Variants in SCAI observed in about 807,000 individuals in gnomAD.
The protein encoded by SCAI is suppressor of cancer cell invasion, also known as protein SCAI.
A neutral mutation model predicts 92.2 loss-of-function variants in SCAI; 24 were observed. The observed-to-expected ratio is 0.26, with a 90% CI of 0.19 to 0.37. The LOEUF is 0.37. Ranked by LOEUF, SCAI falls within the 10% of genes least tolerant of loss-of-function variation. The pLI is 1.00. For missense variants in SCAI, 450 were observed against 736.2 expected (o/e 0.61, Z 4.50); for synonymous variants, 261 against 258.6 (o/e 1.01, Z -0.09).
chr9:125,117,640 T>A (rs1352644683), intron 2 of SCAI, among the ~76,000 whole-genome samples: 1 of 114,968 alleles, frequency 8.7e-6, no homozygotes, highest in East Asian at 3.0e-4. Flanking sequence ...CACTCCAGTC[T>A]GGGCGACAGA....
rs1428768834 is a variant in SCAI, at chr9:124,943,849, T to A, written c.*8958A>T. ...GCTCAGAGGAAATAATAAAGTGTCC[T>A]GAAATTACAATAATTCTTAGCACAA... On this transcript the variant is annotated 3_prime_UTR_variant, in exon 18 of 18. Transcript: ENST00000336505. The A allele has an allele frequency of 6.6e-6, 1 of 152,194 alleles. No homozygotes were observed. Among genetic ancestry groups the A allele is most frequent in the Non-Finnish European group, 1.5e-5 (1 of 68,012 alleles). The allele number at this position is 152,194 out of a possible 1,614,324, so 9.4% of individuals were successfully genotyped here. A position where few individuals can be genotyped will look rare whatever the true frequency, so the allele number is the denominator to read the frequency against.
chr9:124,991,095 A>G (rs1975467), intron 14 of SCAI, among the ~76,000 whole-genome samples: 100,483 of 152,038 alleles, frequency 0.66, 33,859 homozygotes, highest in African/African-American at 0.77. Flanking sequence ...GCTCATGCCT[A>G]CAATCCCAGA....
chr9:125,092,421 C>T, intron 2 of SCAI, among the ~76,000 whole-genome samples: 1 of 152,186 alleles, frequency 6.6e-6, no homozygotes, highest in East Asian at 1.9e-4. Flanking sequence ...CCACTACACT[C>T]TAGCCTGGGC....
intron 14 of SCAI, among the ~76,000 whole-genome samples, chr9:124,977,473 A>C (rs1387254163): frequency 6.6e-6 from 1 of 152,130 alleles, no homozygotes; most frequent in Non-Finnish European, 1.5e-5. Flanking sequence ...CAGGAGTTTG[A>C]GACCAGCCTG....
intron 2 of SCAI, among the ~76,000 whole-genome samples, chr9:125,105,068 T>C (rs1334676385): frequency 1.3e-5 from 2 of 152,036 alleles, no homozygotes; most frequent in Non-Finnish European, 2.9e-5. Context: ...AACTGATACA[T>C]CAACTTTCAT....
intron 2 of SCAI, among the ~76,000 whole-genome samples, chr9:125,088,915 C>T (rs780579611): frequency 9.2e-5 from 14 of 152,100 alleles, no homozygotes; most frequent in Non-Finnish European, 1.9e-4. Context: ...GAGTGTTTAG[C>T]GGCATCCCTC....
In SCAI at chr9:125,055,991, T is replaced by G; in HGVS notation, c.115A>C (p.Lys39Gln). 4 of 1,608,740 alleles carry G rather than the reference T, an allele frequency of 2.5e-6. No homozygotes were observed. Among genetic ancestry groups the G allele is most frequent in the Non-Finnish European group, 3.4e-6 (4 of 1,177,068 alleles). The change falls in exon 3 of 18, where the codon AAA (lysine) becomes CAA (glutamine). Residue 39 changes from lysine to glutamine, a missense_variant. Physicochemically the swap from Lys to Gln is moderately conservative, Grantham distance 53. This residue lies in a region of SCAI where 70 missense variants were observed against 66.3 expected (regional missense o/e 1.06). Coordinates refer to ENST00000336505, the MANE Select transcript of SCAI (RefSeq NM_001144877.3). ...GCACCTCCAGAGGACATGATTTCTT[T>G]AAGAGCAAATTCAGTCCTGTAAGAA... is the stretch of plus-strand genomic sequence containing the variant. Reference protein sequence around the residue: ...KRRSRTEFALKEIMSSGGAED... With the variant: ...KRRSRTEFALQEIMSSGGAED...
intron 17 of SCAI, among the ~76,000 whole-genome samples, chr9:124,967,866 T>C (rs912469733): frequency 5.9e-5 from 9 of 152,238 alleles, no homozygotes; most frequent in Non-Finnish European, 1.0e-4. Context: ...GCCTACCCGT[T>C]AATGTGTCTC....
chr9:125,122,578 G>A (rs1835176280), intron 2 of SCAI, among the ~76,000 whole-genome samples: 1 of 106,732 alleles, frequency 9.4e-6, no homozygotes, highest in African/African-American at 3.8e-5. Context: ...AACAGAGTGA[G>A]ACTCCATCTC....
chr9:125,134,084 G>T (rs1835463042), intron 2 of SCAI, among the ~76,000 whole-genome samples: 1 of 152,032 alleles, frequency 6.6e-6, no homozygotes, highest in Non-Finnish European at 1.5e-5. Flanking sequence ...CACTATCTTG[G>T]TTCAGGTCCT....
chr9:125,129,671 C>A (rs1406683600), intron 2 of SCAI, among the ~76,000 whole-genome samples: 1 of 151,428 alleles, frequency 6.6e-6, no homozygotes, highest in African/African-American at 2.4e-5. Context: ...ACCATGTTGG[C>A]CAGGCTGGTC....
chr9:125,098,247 G>A (rs1834606417), intron 2 of SCAI, among the ~76,000 whole-genome samples: 1 of 151,834 alleles, frequency 6.6e-6, no homozygotes, highest in South Asian at 2.1e-4. Flanking sequence ...TGGAGAGACT[G>A]GGTCTTGCTA....
chr9:124,970,592 C>A (rs908654842), intron 17 of SCAI, among the ~76,000 whole-genome samples: 2 of 151,528 alleles, frequency 1.3e-5, no homozygotes, highest in Non-Finnish European at 2.9e-5. Flanking sequence ...TGGTGGTGGG[C>A]GCCTATAATC....
intron 2 of SCAI, among the ~76,000 whole-genome samples, chr9:125,063,018 C>CA (rs71374223): frequency 0.31 from 26,672 of 85,718 alleles, 4,142 homozygotes; most frequent in Non-Finnish European, 0.39. Flanking sequence ...GACTCCGTCT[C>CA]AAAAAAAAAA....
Position 124,976,183 on chromosome 9 carries a change from A to C in SCAI, c.1330T>G (p.Phe444Val). ...AGTGGCTGTCCAAACAAGTTTGTGAAATTCTGTAATATATAAGAATTTAAA... is the reference window on the plus strand; with the variant it reads ...AGTGGCTGTCCAAACAAGTTTGTGACATTCTGTAATATATAAGAATTTAAA... Reference protein sequence around the residue: ...DSSNSVAYKNFTNLFGQPLVC... With the variant: ...DSSNSVAYKNVTNLFGQPLVC... Residue 444 changes from phenylalanine (F) to valine (V), a missense_variant, in exon 15 of 18, where the codon TTC (phenylalanine) becomes GTC (valine). Physicochemically the swap from Phe to Val is conservative, Grantham distance 50. Coordinates refer to ENST00000336505, the MANE Select transcript of SCAI (RefSeq NM_001144877.3). The C allele has an allele frequency of 1.3e-6, 2 of 1,597,122 alleles. No individual in the cohort carries two copies. The highest frequency in any genetic ancestry group is 8.6e-7 in the Non-Finnish European group (1 of 1,164,686).
At chr9:125,017,299 A>C (rs143148849) in intron 9 of SCAI, among the ~76,000 whole-genome samples, 13 of 152,242 alleles carry the variant, frequency 8.5e-5, no homozygotes, top group Admixed American at 6.5e-4. Flanking sequence ...GTTCGGTGAT[A>C]TCTCATTTGG....
chr9:125,048,189 G>A (rs1833485325), intron 3 of SCAI, among the ~76,000 whole-genome samples: 1 of 152,062 alleles, frequency 6.6e-6, no homozygotes, highest in Non-Finnish European at 1.5e-5. Flanking sequence ...TGTTGGTCAG[G>A]CTGGGCTCAA....
Position 125,143,410 on chromosome 9 carries a change from G to A in SCAI, c.28C>T (p.Gln10Ter). 2 of 1,398,080 alleles carry A rather than the reference G, an allele frequency of 1.4e-6. No individual in the cohort carries two copies. Among genetic ancestry groups the A allele is most frequent in the South Asian group, 1.5e-5 (1 of 65,586 alleles). 86.6% of individuals were successfully genotyped at this position (1,398,080 alleles called of 1,614,324 possible). A position where few individuals can be genotyped will look rare whatever the true frequency, so the allele number is the denominator to read the frequency against. Residue 10 changes from glutamine (Q) to a stop codon, truncating the protein, a stop_gained, in exon 1 of 18, where the codon CAG (glutamine) becomes TAG (stop). Coordinates refer to ENST00000336505, the MANE Select transcript of SCAI (RefSeq NM_001144877.3). LOFTEE classifies it high-confidence loss of function. MVRGARQPQ[Q>*]PRSRLAPRLT... The stretch of plus-strand genomic sequence containing the variant: ...CTGGGGGCCAGGCGACTCCGCGGCT[G>A]CTGGGGCTGCCGGGCTCCTCTGACC...
At chr9:125,070,397 CT>C (rs34011891) in intron 2 of SCAI, among the ~76,000 whole-genome samples, 32,173 of 118,038 alleles carry the variant, frequency 0.27, 2,208 homozygotes, top group East Asian at 0.47. Context: ...TAAAAACAAT[CT>C]TTTTTTTTTT....
Sources: allele counts gnomAD v4.1 joint callset (sites outside exome capture counted in the v4.1 genomes callset), GRCh38; gene constraint gnomAD v4.1.1; regional missense constraint gnomAD v4.1.1; transcripts MANE v1.5; gene names NCBI Gene and HGNC (gene_info 2026-07-23, HGNC 2026-07-21).